The following ERMP1 variants were observed in gnomAD, a reference collection of about 807,000 sequenced individuals.
ERMP1 encodes the protein Felix-ina.
Under a neutral mutation model 92.0 loss-of-function variants are expected in ERMP1, and 86 were observed. The observed-to-expected ratio is 0.93, with a 90% CI of 0.79 to 1.12. ERMP1 has a LOEUF of 1.12. ERMP1 is among the 50% of genes most tolerant of loss of function. The pLI is 0.00. For missense variants in ERMP1, 1,342 were observed against 1,116.3 expected (o/e 1.20, Z -2.88); for synonymous variants, 530 against 412.8 (o/e 1.28, Z -3.44).
chr9:5,810,225 T>A lies in ERMP1; in HGVS notation c.1334A>T (p.Asn445Ile). The change falls in exon 8 of 15, where the codon AAC becomes ATC. Residue 445 changes from asparagine to isoleucine, a missense_variant. Transcript: ENST00000339450. ...KFLQPKHKTG[N>I]YKKDFLCGLG... is the part of the protein sequence containing the mutation. ...TCCACACAAGAAGTCCTTCTTGTAGTTACCAGCTAATGAAGAGAAAACAAA... is the reference window on the plus strand; with the variant it reads ...TCCACACAAGAAGTCCTTCTTGTAGATACCAGCTAATGAAGAGAAAACAAA... 5 of 1,611,626 alleles carry A rather than the reference T, an allele frequency of 3.1e-6. No homozygotes were observed. The highest frequency in any genetic ancestry group is 4.2e-6 in the Non-Finnish European group (5 of 1,178,124).
rs1586774117 is a variant in ERMP1, at chr9:5,797,678, C to T, written c.2386+139G>A. 6.4e-6 allele frequency: 4 copies of T among 626,710 alleles called. No homozygotes were observed. The East Asian group carries it at 1.1e-4, about 17-fold the overall frequency. 38.8% of individuals were successfully genotyped at this position (626,710 alleles called of 1,614,324 possible). On this transcript the variant is annotated intron_variant, in intron 13 of 14. Coordinates refer to ENST00000339450, the MANE Select transcript of ERMP1 (RefSeq NM_024896.3). ...AAAAAAAAAAAGAAGTCATAACCAG[C>T]TTCAATTGATTTTAGAAACATCACA...
intron 5 of ERMP1, chr9:5,812,622 T>C: frequency 2.0e-6 from 1 of 495,642 alleles, no homozygotes; most frequent in Non-Finnish European, 3.6e-6. Flanking sequence ...CCCTGAAGGA[T>C]CTATTACCAT....
intron 6 of ERMP1, among the ~76,000 whole-genome samples, chr9:5,841,197 G>T (rs1337485872): frequency 6.6e-6 from 1 of 152,176 alleles, no homozygotes; most frequent in African/African-American, 2.4e-5. Context: ...TAAGCAGAAA[G>T]CCAGAAGTAC....
At chr9:5,815,929 T>G (rs1417943434) in intron 4 of ERMP1, among the ~76,000 whole-genome samples, 2 of 152,112 alleles carry the variant, frequency 1.3e-5, no homozygotes, top group Non-Finnish European at 2.9e-5. Context: ...AAAATACTAT[T>G]ATTAAAATAT....
At chr9:5,799,156 T>C in intron 11 of ERMP1, 148 bp from the exon 12 acceptor site, 1 of 595,438 alleles carries the variant, frequency 1.7e-6, no homozygotes, top group Non-Finnish European at 3.0e-6. Context: ...AAGGTACTGC[T>C]AGCGTTCTTT....
upstream of ERMP1, among the ~76,000 whole-genome samples, chr9:5,833,709 T>C (rs1027130346): frequency 6.6e-6 from 1 of 152,236 alleles, no homozygotes; most frequent in Non-Finnish European, 1.5e-5. Context: ...ATATCTTTGT[T>C]CCCATTTTAT....
At position 5,785,651 on chromosome 9, in the gene ERMP1, C is replaced by T. The variant is rs1013405130; in HGVS notation, c.*1493G>A. 2.0e-5 allele frequency: 3 copies of T among 152,804 alleles called. No homozygotes were observed. Among genetic ancestry groups the T allele is most frequent in the South Asian group, 2.1e-4 (1 of 4,834 alleles). The allele number at this position is 152,804 out of a possible 1,614,324, so 9.5% of individuals were successfully genotyped here. ...CACATCATACACATGAGACAAGCAGCTTCAAGGACGTTTTCTCCGGCAATG... is the reference window on the plus strand; with the variant it reads ...CACATCATACACATGAGACAAGCAGTTTCAAGGACGTTTTCTCCGGCAATG... On this transcript the variant is annotated 3_prime_UTR_variant, in exon 15 of 15. Coordinates refer to ENST00000339450, the MANE Select transcript of ERMP1 (RefSeq NM_024896.3).
chr9:5,823,993 A>G lies in ERMP1; in HGVS notation c.777T>C (p.His259=), dbSNP rs1829641016. 1 of 1,611,604 alleles carries G rather than the reference A, an allele frequency of 6.2e-7. No individual in the cohort carries two copies. Among genetic ancestry groups the G allele is most frequent in the South Asian group, 1.1e-5 (1 of 90,632 alleles). Residue 259 remains histidine (H), a synonymous_variant, in exon 4 of 15, where the codon CAT becomes CAC. Coordinates refer to ENST00000339450, the MANE Select transcript of ERMP1 (RefSeq NM_024896.3). ...GAEENVLQAS[H]GFITQHPWAS... ...CCCAGGGGTGCTGAGTAATGAAACC[A>G]TGACTGGCCTTAAAGAGAAGGAAAG...
chr9:5,845,833 T>C (rs780716219), intron 6 of ERMP1, among the ~76,000 whole-genome samples: 7 of 152,164 alleles, frequency 4.6e-5, no homozygotes, highest in Non-Finnish European at 1.0e-4. Context: ...AGGAGTATTT[T>C]TGAGGCCACA....
intron 4 of ERMP1, among the ~76,000 whole-genome samples, chr9:5,818,296 G>GT (rs767831886): frequency 1.3e-5 from 2 of 152,124 alleles, no homozygotes; most frequent in Non-Finnish European, 2.9e-5. Flanking sequence ...GGAGGAAAAG[G>GT]TATGTCTGCA....
chr9:5,789,229 T>C (rs1828068496), intron 13 of ERMP1, among the ~76,000 whole-genome samples: 1 of 151,762 alleles, frequency 6.6e-6, no homozygotes, highest in Non-Finnish European at 1.5e-5. Context: ...CTAGTAAAAC[T>C]ATTAGATTTC....
At chr9:5,858,523 C>T (rs1563785019) in intron 6 of ERMP1, among the ~76,000 whole-genome samples, 1 of 152,210 alleles carries the variant, frequency 6.6e-6, no homozygotes, top group African/African-American at 2.4e-5. Context: ...GTGTCCTGCA[C>T]ACCTCCACTC....
rs10975290 is a variant in ERMP1, at chr9:5,806,475, C to T, written c.1549-690G>A. On this transcript the variant is annotated intron_variant, in intron 8 of 14. Transcript: ENST00000339450. ...CAGGTTCTCGCTCTGTCGCCTAGGC[C>T]GGAGTCCAGTGGTGCGATCTCGGCC... Among the ~76,000 whole-genome samples, 8 of 151,494 alleles carry T rather than the reference C, an allele frequency of 5.3e-5. No individual in the cohort carries two copies. In the East Asian group the frequency reaches 1.4e-3, roughly 26 times the overall value.
At chr9:5,808,847 C>A (rs1375561175) in intron 8 of ERMP1, among the ~76,000 whole-genome samples, 2 of 152,154 alleles carry the variant, frequency 1.3e-5, no homozygotes, top group Non-Finnish European at 2.9e-5. Flanking sequence ...AGGTAATCCT[C>A]CTACCTCAGC....
intron 7 of ERMP1, 106 bp downstream of exon 7, chr9:5,811,005 C>A (rs1829069123): frequency 4.4e-6 from 3 of 683,148 alleles, no homozygotes; most frequent in Non-Finnish European, 7.3e-6. Context: ...CAAACATTGT[C>A]TTAAGATTTT....
At chr9:5,833,294 T>C (rs981624159), upstream of ERMP1, among the ~76,000 whole-genome samples, 13 of 152,128 alleles carry the variant, frequency 8.5e-5, no homozygotes, top group African/African-American at 3.1e-4. Context: ...AGGACGGAGA[T>C]TGCCAAATGT....
chr9:5,825,318 A>AC (rs1261437583), intron 2 of ERMP1, 99 bp from the exon 3 acceptor site: 3 of 1,161,422 alleles, frequency 2.6e-6, no homozygotes, highest in Admixed American at 2.7e-5. Flanking sequence ...GAGAAGCATC[A>AC]CAATAGCTGC....
chr9:5,863,526 G>A (rs1408871692), intron 5 of ERMP1, among the ~76,000 whole-genome samples: 1 of 152,178 alleles, frequency 6.6e-6, no homozygotes, highest in Non-Finnish European at 1.5e-5. Flanking sequence ...TCCAGCTGGG[G>A]AGAGGGCAGA....
intron 5 of ERMP1, among the ~76,000 whole-genome samples, chr9:5,865,994 T>C (rs1355577448): frequency 6.6e-6 from 1 of 152,188 alleles, no homozygotes; most frequent in Non-Finnish European, 1.5e-5. Flanking sequence ...TCTTTTTGCA[T>C]TTTCCAAGTT....
Sources: gnomAD v4.1 joint callset for allele counts (sites outside exome capture counted in the v4.1 genomes callset) on GRCh38, gnomAD v4.1.1 for gene constraint, MANE v1.5 for transcripts, NCBI Gene and HGNC (gene_info 2026-07-23, HGNC 2026-07-21) for gene names.